The following LRP1B variants were observed in gnomAD, a reference collection of about 807,000 sequenced individuals.
LRP1B encodes low-density lipoprotein receptor-related protein 1B.
In LRP1B, 217 loss-of-function variants were observed where a neutral mutation model predicts 556.6. The ratio of observed to expected loss-of-function variants is 0.39; its 90% CI spans 0.35 to 0.44. The LOEUF (loss-of-function observed/expected upper bound fraction) is 0.44. LRP1B is among the 20% of genes least tolerant of loss of function. The pLI is 1.00. For synonymous variants in LRP1B, 2,047 were observed against 1,865.8 expected, an observed-to-expected ratio of 1.10 and a Z score of -2.50; for missense variants, 5,053 against 5,620.8, an observed-to-expected ratio of 0.90 and a Z score of 3.23.
chr2:140,341,493 G>A (rs201782012), intron 77 of LRP1B, among the ~76,000 whole-genome samples: 2 of 151,428 alleles, frequency 1.3e-5, no homozygotes, highest in East Asian at 3.9e-4. Flanking sequence ...GCTTCAACAA[G>A]ATCAAGACCA....
chr2:140,519,111 G>T (rs6430907), intron 49 of LRP1B, among the ~76,000 whole-genome samples: 111,650 of 151,922 alleles, frequency 0.73, 41,548 homozygotes, highest in Middle Eastern at 0.88. Context: ...AAAAAACTAC[G>T]TTAAAGTCCA....
At chr2:141,045,334 T>C (rs1166732581) in intron 11 of LRP1B, among the ~76,000 whole-genome samples, 1 of 150,070 alleles carries the variant, frequency 6.7e-6, no homozygotes, top group Non-Finnish European at 1.5e-5. Flanking sequence ...GACGAGATAG[T>C]GGGTGCAGCG....
At chr2:141,199,981 G>A (rs1681931397) in intron 6 of LRP1B, among the ~76,000 whole-genome samples, 2 of 152,176 alleles carry the variant, frequency 1.3e-5, no homozygotes, top group Admixed American at 6.5e-5. Context: ...TGGTGGGAGT[G>A]TTAACTAGTT....
chr2:140,385,293 C>T (rs771788210), intron 67 of LRP1B, among the ~76,000 whole-genome samples: 3 of 152,090 alleles, frequency 2.0e-5, no homozygotes, highest in Non-Finnish European at 2.9e-5. Context: ...TCAGGAGATA[C>T]TGTCACAATT....
intron 47 of LRP1B, among the ~76,000 whole-genome samples, chr2:140,528,588 A>T (rs1690543069): frequency 6.6e-6 from 1 of 151,804 alleles, no homozygotes. Context: ...TGCAAGTAGG[A>T]ACAGATTGTC....
chr2:141,266,754 T>C (rs1051181885), intron 3 of LRP1B, among the ~76,000 whole-genome samples: 2 of 152,208 alleles, frequency 1.3e-5, no homozygotes, highest in Non-Finnish European at 2.9e-5. Context: ...TTGTAGATTT[T>C]ATTACACAGA....
At chr2:141,310,357 T>C (rs2683812) in intron 3 of LRP1B, among the ~76,000 whole-genome samples, 6,887 of 152,244 alleles carry the variant, frequency 0.045, 170 homozygotes, top group South Asian at 0.1. Context: ...CTGGGCTTCA[T>C]TTTGTCCCCT....
At chr2:141,401,827 C>G (rs899736246) in intron 3 of LRP1B, among the ~76,000 whole-genome samples, 1 of 152,052 alleles carries the variant, frequency 6.6e-6, no homozygotes, top group African/African-American at 2.4e-5. Context: ...AGGACTGCAG[C>G]CTTAATTTTT....
chr2:140,368,186 T>A (rs892741506), intron 71 of LRP1B, among the ~76,000 whole-genome samples: 1 of 151,962 alleles, frequency 6.6e-6, no homozygotes, highest in South Asian at 2.1e-4. Flanking sequence ...TTAAAGAGAT[T>A]GGCTGAATTA....
intron 1 of LRP1B, among the ~76,000 whole-genome samples, chr2:141,920,042 C>T (rs779502890): frequency 6.6e-6 from 1 of 151,944 alleles, no homozygotes. Context: ...CTTTCTGGAA[C>T]ATGTAACCTT....
chr2:140,845,900 A>G (rs887547740), intron 29 of LRP1B, among the ~76,000 whole-genome samples: 5 of 152,208 alleles, frequency 3.3e-5, no homozygotes, highest in African/African-American at 1.2e-4. Flanking sequence ...CACATTTATT[A>G]AAGTCCAACA....
In LRP1B at chr2:140,358,963, AAAAAC is replaced by A. The variant is rs751258453; in HGVS notation, c.11132-22_11132-18del. 7.8e-5 allele frequency: 125 copies of A among 1,602,618 alleles called. No homozygotes were observed. The highest frequency in any genetic ancestry group is 1.0e-4 in the Non-Finnish European group (120 of 1,172,960). ...GAAATTTGACTGAAGAAAAAGAAGA[AAAAAC>A]AAAGAAGCTCCTTCGAGTACATTGC... On this transcript the variant is annotated intron_variant, in intron 72 of 90. Coordinates refer to ENST00000389484, the MANE Select transcript of LRP1B (RefSeq NM_018557.3).
At chr2:141,446,176 CT>C (rs955531974) in intron 3 of LRP1B, among the ~76,000 whole-genome samples, 2 of 151,962 alleles carry the variant, frequency 1.3e-5, no homozygotes, top group African/African-American at 4.8e-5. Flanking sequence ...TATGTAATGC[CT>C]TTTTTGATCT....
At chr2:140,940,944 T>C (rs549992542) in intron 20 of LRP1B, among the ~76,000 whole-genome samples, 1 of 152,302 alleles carries the variant, frequency 6.6e-6, no homozygotes, top group East Asian at 1.9e-4. Flanking sequence ...TTCTTGACTT[T>C]TTAAGTGATC....
chr2:141,250,721 A>G (rs1320584223), intron 4 of LRP1B, among the ~76,000 whole-genome samples: 1 of 152,122 alleles, frequency 6.6e-6, no homozygotes, highest in Non-Finnish European at 1.5e-5. Context: ...TTGCAGTACT[A>G]GGTCCTTAAC....
intron 24 of LRP1B, among the ~76,000 whole-genome samples, chr2:140,885,501 C>T (rs1176256088): frequency 6.6e-6 from 1 of 151,858 alleles, no homozygotes; most frequent in Non-Finnish European, 1.5e-5. Flanking sequence ...CAGGCATGCA[C>T]CACCACGTCC....
intron 41 of LRP1B, among the ~76,000 whole-genome samples, chr2:140,699,663 A>C (rs370184752): frequency 6.6e-6 from 1 of 151,354 alleles, no homozygotes; most frequent in Admixed American, 6.6e-5. Context: ...AGGTTTCCCT[A>C]AATTATGTGG....
intron 66 of LRP1B, among the ~76,000 whole-genome samples, chr2:140,419,851 T>C (rs943327929): frequency 1.4e-4 from 22 of 151,762 alleles, no homozygotes; most frequent in African/African-American, 5.3e-4. Context: ...TTAATAAAAT[T>C]ACAAAAATTA....
chr2:141,824,825 G>C (rs1696869553), intron 1 of LRP1B, among the ~76,000 whole-genome samples: 1 of 152,148 alleles, frequency 6.6e-6, no homozygotes, highest in Admixed American at 6.5e-5. Flanking sequence ...TGGTTTGGCT[G>C]TGTCCCCACC....
Sources: gnomAD v4.1 joint callset for allele counts (sites outside exome capture counted in the v4.1 genomes callset) on GRCh38, gnomAD v4.1.1 for gene constraint, MANE v1.5 for transcripts, NCBI Gene and HGNC (gene_info 2026-07-23, HGNC 2026-07-21) for gene names.